Variants in PHF20 observed in about 807,000 individuals in gnomAD.
The protein encoded by PHF20 is PHD finger protein 20, also known as glioma-expressed antigen 2.
A neutral mutation model predicts 113.5 loss-of-function variants in PHF20; 23 were observed. That is an observed-to-expected ratio of 0.20 (90% CI 0.15 to 0.29). The LOEUF (loss-of-function observed/expected upper bound fraction) is 0.29. Among genes scored for constraint, PHF20 ranks in the 10% least tolerant of loss-of-function variants. The pLI is 1.00. For missense variants in PHF20, 943 were observed against 1,219.6 expected (o/e 0.77, Z 3.38); for synonymous variants, 434 against 457.3 (o/e 0.95, Z 0.65).
At chr20:35,809,600 C>T (rs2041942398) in intron 2 of PHF20, among the ~76,000 whole-genome samples, 1 of 149,716 alleles carries the variant, frequency 6.7e-6, no homozygotes, top group Admixed American at 6.7e-5. Flanking sequence ...AAAAGATAAT[C>T]CAGCTGGGCA....
intron 10 of PHF20, among the ~76,000 whole-genome samples, chr20:35,907,818 T>C (rs2055227553): frequency 6.6e-6 from 1 of 152,246 alleles, no homozygotes; most frequent in Admixed American, 6.5e-5. Flanking sequence ...AGTTTGTCAT[T>C]GCTGGATTTA....
At chr20:35,827,123 T>C (rs2042275775) in intron 2 of PHF20, among the ~76,000 whole-genome samples, 1 of 151,976 alleles carries the variant, frequency 6.6e-6, no homozygotes, top group African/African-American at 2.4e-5. Context: ...CAAGCTCTGA[T>C]TTTTTTTCGC....
intron 4 of PHF20, among the ~76,000 whole-genome samples, chr20:35,848,021 A>G (rs1297610402): frequency 6.6e-6 from 1 of 152,150 alleles, no homozygotes; most frequent in Non-Finnish European, 1.5e-5. Context: ...TACGGTCAGG[A>G]TCCTGGCACC....
intron 2 of PHF20, among the ~76,000 whole-genome samples, chr20:35,822,846 TAAAAAAAAAAAAAAAA>T (rs780275666): frequency 0.014 from 768 of 55,570 alleles, 16 homozygotes; most frequent in African/African-American, 0.054. Flanking sequence ...ACCCTGCTTC[TAAAAAAAAAAAAAAAA>T]AAAAAAAAAA....
At chr20:35,945,683 G>C (rs2056072309) in intron 17 of PHF20, among the ~76,000 whole-genome samples, 1 of 152,138 alleles carries the variant, frequency 6.6e-6, no homozygotes, top group African/African-American at 2.4e-5. Context: ...GGGGCTACCT[G>C]CAGGGGGTGG....
chr20:35,928,161 G>A (rs979749788), intron 14 of PHF20, among the ~76,000 whole-genome samples: 1 of 152,092 alleles, frequency 6.6e-6, no homozygotes, highest in Non-Finnish European at 1.5e-5. Flanking sequence ...GCATGAGGCC[G>A]GGCGCAGTGG....
chr20:35,927,684 T>C (rs919602105), intron 13 of PHF20, 96 bp from the exon 14 acceptor site: 6 of 908,168 alleles, frequency 6.6e-6, no homozygotes, highest in Non-Finnish European at 9.2e-6. Context: ...CCTCTCCTTC[T>C]ATCCTCCCAT....
At chr20:35,817,678 G>C (rs56939057) in intron 2 of PHF20, among the ~76,000 whole-genome samples, 1 of 152,102 alleles carries the variant, frequency 6.6e-6, no homozygotes, top group African/African-American at 2.4e-5. Flanking sequence ...CCTGGCTGTA[G>C]TCCCAGCTAC....
intron 17 of PHF20, among the ~76,000 whole-genome samples, chr20:35,941,252 G>A (rs2055974364): frequency 6.6e-6 from 1 of 152,216 alleles, no homozygotes; most frequent in Non-Finnish European, 1.5e-5. Flanking sequence ...TCTGCATGAT[G>A]TTGGGTCCTG....
chr20:35,893,969 G>A (rs2054928301), intron 9 of PHF20, among the ~76,000 whole-genome samples: 1 of 152,212 alleles, frequency 6.6e-6, no homozygotes, highest in African/African-American at 2.4e-5. Flanking sequence ...CAGTATTTTG[G>A]TGGAACAAGC....
intron 2 of PHF20, among the ~76,000 whole-genome samples, chr20:35,822,534 C>T (rs1174618389): frequency 6.6e-6 from 1 of 151,544 alleles, no homozygotes; most frequent in Admixed American, 6.6e-5. Flanking sequence ...CAAAATTGAG[C>T]AGAAAGTACA....
intron 7 of PHF20, among the ~76,000 whole-genome samples, chr20:35,870,342 G>A (rs1445877426): frequency 6.6e-6 from 1 of 150,470 alleles, no homozygotes; most frequent in Non-Finnish European, 1.5e-5. Flanking sequence ...TTAGCCGGGT[G>A]TGGTGGCGGG....
In PHF20 at chr20:35,909,088, AC is replaced by A. The variant is rs552666533; in HGVS notation, c.1562-4159del. Among the ~76,000 whole-genome samples, 4 of 152,118 alleles carry A rather than the reference AC, an allele frequency of 2.6e-5. No homozygotes were observed. The South Asian group carries it at 8.3e-4, about 32-fold the overall frequency. ...GTTGAATAGGAGTAGAGAGAGAGGC[AC>A]CTTGCTTTGTTCCTGATCTTAAGGG... On this transcript the variant is annotated intron_variant, in intron 10 of 17. Transcript: ENST00000374012.
intron 2 of PHF20, among the ~76,000 whole-genome samples, chr20:35,803,187 G>C (rs2041814625): frequency 6.6e-6 from 1 of 151,114 alleles, no homozygotes; most frequent in Admixed American, 6.6e-5. Flanking sequence ...GGGAGGTGGA[G>C]GCTGCATTGA....
In PHF20 at chr20:35,869,535, G is replaced by C; in HGVS notation, c.906G>C (p.Arg302=). The C allele has an allele frequency of 1.9e-6, 3 of 1,593,696 alleles. No homozygotes were observed. Among genetic ancestry groups the C allele is most frequent in the Non-Finnish European group, 2.6e-6 (3 of 1,163,334 alleles). ...KGCEVPLKRP[R]LDKNSSQEKS... ...GTGAAGTCCCATTAAAACGTCCTCG[G>C]CTTGACAAAAATTCATGTGAGTCTA... Residue 302 remains arginine, a synonymous_variant, in exon 7 of 18, where the codon CGG becomes CGC. Transcript: ENST00000374012.
intron 2 of PHF20, among the ~76,000 whole-genome samples, chr20:35,819,745 G>C (rs6121058): frequency 1.3e-5 from 2 of 151,964 alleles, no homozygotes; most frequent in South Asian, 4.2e-4. Context: ...TGGTACACTA[G>C]GTGCTATGAA....
chr20:35,772,359 G>T (rs893644911), intron 1 of PHF20, among the ~76,000 whole-genome samples: 18 of 151,698 alleles, frequency 1.2e-4, no homozygotes, highest in African/African-American at 4.3e-4. Context: ...GGGCTGGGCC[G>T]TGGGGTGCGG....
intron 2 of PHF20, among the ~76,000 whole-genome samples, chr20:35,827,085 G>A (rs2042275246): frequency 6.6e-6 from 1 of 152,142 alleles, no homozygotes; most frequent in Non-Finnish European, 1.5e-5. Context: ...TTTTGCTTCT[G>A]GTATGTGCCC....
intron 3 of PHF20, among the ~76,000 whole-genome samples, chr20:35,844,071 G>C (rs1481468334): frequency 6.6e-6 from 1 of 151,870 alleles, no homozygotes; most frequent in Non-Finnish European, 1.5e-5. Context: ...CCACAGAGTG[G>C]GAGCGGGCTC....
Sources: gnomAD v4.1 joint callset for allele counts (sites outside exome capture counted in the v4.1 genomes callset) on GRCh38, gnomAD v4.1.1 for gene constraint, MANE v1.5 for transcripts, NCBI Gene and HGNC (gene_info 2026-07-23, HGNC 2026-07-21) for gene names.